The following COMMD10 variants were observed in gnomAD, a reference collection of about 807,000 sequenced individuals.
COMMD10 encodes COMM domain-containing protein 10.
Under a neutral mutation model 28.9 loss-of-function variants are expected in COMMD10, and 33 were observed. The observed-to-expected ratio is 1.14, with a 90% CI of 0.87 to 1.53. COMMD10 has a LOEUF of 1.53. Ranked by LOEUF, COMMD10 falls within the 40% of genes most tolerant of loss-of-function variation. COMMD10 has a pLI of 0.00. For missense variants in COMMD10, 310 were observed against 233.4 expected, an observed-to-expected ratio of 1.33 and a Z score of -2.14; for synonymous variants, 110 against 81.7, an observed-to-expected ratio of 1.35 and a Z score of -1.87.
intron 5 of COMMD10, among the ~76,000 whole-genome samples, chr5:116,167,308 A>G (rs1430154714): frequency 6.6e-6 from 1 of 152,048 alleles, no homozygotes; most frequent in Admixed American, 6.6e-5. Context: ...AAGAATGAAA[A>G]GGAATGAACA....
chr5:116,176,850 C>T (rs932763375), intron 5 of COMMD10, among the ~76,000 whole-genome samples: 4 of 151,984 alleles, frequency 2.6e-5, no homozygotes, highest in Non-Finnish European at 1.5e-5. Flanking sequence ...AGCTATGATA[C>T]GTGAGTAACT....
At chr5:116,163,947 C>G (rs2112570733) in intron 5 of COMMD10, among the ~76,000 whole-genome samples, 1 of 152,202 alleles carries the variant, frequency 6.6e-6, no homozygotes, top group Admixed American at 6.5e-5. Context: ...TTTTTCTACC[C>G]TTTCCCATTG....
intron 4 of COMMD10, among the ~76,000 whole-genome samples, chr5:116,111,939 G>T (rs1751057153): frequency 6.6e-6 from 1 of 151,972 alleles, no homozygotes; most frequent in South Asian, 2.1e-4. Context: ...TATGAATTTG[G>T]GTGCTCAAAT....
At chr5:116,085,819 A>C (rs1750074199) in intron 1 of COMMD10, among the ~76,000 whole-genome samples, 1 of 152,234 alleles carries the variant, frequency 6.6e-6, no homozygotes, top group Non-Finnish European at 1.5e-5. Flanking sequence ...AGTGTTCGGA[A>C]GTAATTTCTT....
chr5:116,271,313 T>G (rs1256780889), intron 5 of COMMD10, among the ~76,000 whole-genome samples: 1 of 147,100 alleles, frequency 6.8e-6, no homozygotes, highest in Non-Finnish European at 1.5e-5. Context: ...ATAAAATATA[T>G]ATAAAATATA....
intron 5 of COMMD10, among the ~76,000 whole-genome samples, chr5:116,148,158 C>G (rs752497009): frequency 1.3e-5 from 2 of 151,776 alleles, no homozygotes; most frequent in Non-Finnish European, 2.9e-5. Context: ...TTTAGAAATT[C>G]TATTCATGTA....
chr5:116,143,343 A>T (rs372337749), intron 5 of COMMD10, among the ~76,000 whole-genome samples: 1 of 151,734 alleles, frequency 6.6e-6, no homozygotes, highest in Non-Finnish European at 1.5e-5. Context: ...CAATATTAAT[A>T]CACCATTAGA....
At chr5:116,166,162 G>GATGGTA (rs1554095319) in intron 5 of COMMD10, among the ~76,000 whole-genome samples, 1 of 151,938 alleles carries the variant, frequency 6.6e-6, no homozygotes, top group Non-Finnish European at 1.5e-5. Flanking sequence ...GTCAAATGGC[G>GATGGTA]ATAGTTGTTC....
At chr5:116,201,473 A>G (rs113778627) in intron 5 of COMMD10, among the ~76,000 whole-genome samples, 17 of 152,260 alleles carry the variant, frequency 1.1e-4, no homozygotes, top group African/African-American at 3.8e-4. Flanking sequence ...ACTAGCTCCC[A>G]TGGAGGTTTC....
intron 5 of COMMD10, among the ~76,000 whole-genome samples, chr5:116,191,010 A>G (rs1256803796): frequency 3.3e-5 from 5 of 152,222 alleles, no homozygotes; most frequent in Non-Finnish European, 5.9e-5. Context: ...TGCCTTACAT[A>G]ACTTTCCACA....
chr5:116,090,200 G>A (rs1750251154), intron 2 of COMMD10, among the ~76,000 whole-genome samples: 1 of 152,202 alleles, frequency 6.6e-6, no homozygotes, highest in Non-Finnish European at 1.5e-5. Flanking sequence ...GGATCTGGGA[G>A]TCCTCTTTGG....
intron 5 of COMMD10, among the ~76,000 whole-genome samples, chr5:116,265,843 A>G (rs1205985438): frequency 6.6e-6 from 1 of 151,804 alleles, no homozygotes; most frequent in Non-Finnish European, 1.5e-5. Flanking sequence ...GACACCAGAG[A>G]TGACACTCTT....
intron 5 of COMMD10, among the ~76,000 whole-genome samples, chr5:116,204,003 G>A (rs971026794): frequency 2.6e-4 from 39 of 152,178 alleles, no homozygotes; most frequent in East Asian, 5.8e-4. Context: ...CCCATCTCAC[G>A]TGCAGAGACA....
chr5:116,185,910 C>G (rs921398706), intron 5 of COMMD10, among the ~76,000 whole-genome samples: 3 of 152,102 alleles, frequency 2.0e-5, no homozygotes, highest in Admixed American at 6.6e-5. Context: ...TTAGTCTTCT[C>G]TGTACCAACC....
chr5:116,174,679 T>C (rs2112586713), intron 5 of COMMD10, among the ~76,000 whole-genome samples: 1 of 152,188 alleles, frequency 6.6e-6, no homozygotes, highest in East Asian at 1.9e-4. Flanking sequence ...AGTGAGTCAT[T>C]AAAGATAACC....
At chr5:116,158,629 G>A (rs757009951) in intron 5 of COMMD10, among the ~76,000 whole-genome samples, 1 of 151,138 alleles carries the variant, frequency 6.6e-6, no homozygotes. Flanking sequence ...GGAATGGGCC[G>A]CCATGCTTGG....
At chr5:116,191,915 C>A (rs573340090) in intron 5 of COMMD10, among the ~76,000 whole-genome samples, 2 of 151,548 alleles carry the variant, frequency 1.3e-5, no homozygotes, top group South Asian at 4.2e-4. Flanking sequence ...CTCCCACCCC[C>A]CACTAACTCC....
At chr5:116,283,490 G>T (rs2112710644) in intron 5 of COMMD10, among the ~76,000 whole-genome samples, 1 of 151,584 alleles carries the variant, frequency 6.6e-6, no homozygotes, top group East Asian at 1.9e-4. Flanking sequence ...GGAATTACAG[G>T]CACCCACCAC....
At chr5:116,182,962 C>G (rs371203901) in intron 5 of COMMD10, among the ~76,000 whole-genome samples, 1 of 152,056 alleles carries the variant, frequency 6.6e-6, no homozygotes, top group Non-Finnish European at 1.5e-5. Flanking sequence ...ATCCTGCCAC[C>G]CTGTGAAGAA....
Sources: allele counts gnomAD v4.1 joint callset (sites outside exome capture counted in the v4.1 genomes callset), GRCh38; gene constraint gnomAD v4.1.1; transcripts MANE v1.5; gene names NCBI Gene and HGNC (gene_info 2026-07-23, HGNC 2026-07-21).